The following ZFHX3 variants were observed in gnomAD, a reference collection of about 807,000 sequenced individuals.
ZFHX3 encodes the protein zinc finger homeobox protein 3.
Under a neutral mutation model 279.1 loss-of-function variants are expected in ZFHX3, and 42 were observed. That is an observed-to-expected ratio of 0.15 (90% CI 0.12 to 0.19). The LOEUF (loss-of-function observed/expected upper bound fraction) is 0.19, where lower values mean the gene tolerates loss of function less well. ZFHX3 is among the 10% of genes least tolerant of loss of function. ZFHX3 has a pLI of 1.00. For synonymous variants in ZFHX3, 2,293 were observed against 1,957.8 expected (o/e 1.17, Z -4.52); for missense variants, 4,981 against 4,754.0 (o/e 1.05, Z -1.40).
intron 2 of ZFHX3, among the ~76,000 whole-genome samples, chr16:73,568,812 A>G (rs1422324827): frequency 6.6e-6 from 1 of 152,076 alleles, no homozygotes; most frequent in East Asian, 1.9e-4. Flanking sequence ...AGGAATCTCA[A>G]AACAGATTAC....
chr16:72,960,137 G>C lies in ZFHX3; in HGVS notation c.9C>G (p.Gly3=). The C allele has an allele frequency of 1.3e-6, 2 of 1,577,220 alleles. No individual in the cohort carries two copies. The highest frequency in any genetic ancestry group is 2.7e-5 in the African/African-American group (2 of 74,236). Residue 3 remains glycine (G), a synonymous_variant, in exon 2 of 10, where the codon GGC becomes GGG. Transcript: ENST00000268489. The part of the protein sequence containing the change: ME[G]CDSPVVSGKD... Reference sequence around the variant, plus strand: ...TCCCCGAGACGACGGGCGAGTCACAGCCTTCCATGGTAAGGCCTGCGTGGA... The same window carrying C: ...TCCCCGAGACGACGGGCGAGTCACACCCTTCCATGGTAAGGCCTGCGTGGA...
intron 4 of ZFHX3, among the ~76,000 whole-genome samples, chr16:73,268,074 A>T (rs903983103): frequency 6.6e-6 from 1 of 152,202 alleles, no homozygotes; most frequent in African/African-American, 2.4e-5. Flanking sequence ...TATGGTGATA[A>T]GTGGGAAGTC....
chr16:73,626,332 C>T (rs1206434284), intron 2 of ZFHX3, among the ~76,000 whole-genome samples: 2 of 152,046 alleles, frequency 1.3e-5, no homozygotes, highest in Non-Finnish European at 2.9e-5. Flanking sequence ...AGGAAAATGC[C>T]ACGCCTTTGG....
intron 4 of ZFHX3, among the ~76,000 whole-genome samples, chr16:72,885,233 G>C (rs1331983779): frequency 6.6e-6 from 1 of 152,250 alleles, no homozygotes; most frequent in African/African-American, 2.4e-5. Context: ...CCATGGCAGG[G>C]CCACATGGGC....
At chr16:73,782,410 G>T (rs927798433) in intron 1 of ZFHX3, among the ~76,000 whole-genome samples, 1 of 152,066 alleles carries the variant, frequency 6.6e-6, no homozygotes, top group South Asian at 2.1e-4. Context: ...AATGTTAAAG[G>T]GCCCATTATC....
At chr16:72,856,549 C>A (rs548246795) in intron 4 of ZFHX3, among the ~76,000 whole-genome samples, 1 of 152,290 alleles carries the variant, frequency 6.6e-6, no homozygotes, top group African/African-American at 2.4e-5. Context: ...ACTTTTTCAC[C>A]TGCTGCTTTT....
chr16:73,173,829 G>A (rs181858716), intron 5 of ZFHX3, among the ~76,000 whole-genome samples: 8 of 152,296 alleles, frequency 5.3e-5, no homozygotes. Flanking sequence ...CAGGGCAGTT[G>A]CAAGCCTGTA....
chr16:73,682,514 G>A (rs183523874), intron 1 of ZFHX3, among the ~76,000 whole-genome samples: 172 of 152,018 alleles, frequency 1.1e-3, no homozygotes, highest in Non-Finnish European at 1.9e-3. Context: ...GGCCGGGTGC[G>A]GTGGCTCACG....
At chr16:73,683,034 A>T (rs2053043467) in intron 1 of ZFHX3, among the ~76,000 whole-genome samples, 3 of 151,866 alleles carry the variant, frequency 2.0e-5, no homozygotes, top group Admixed American at 2.0e-4. Flanking sequence ...GGGAGGGAGA[A>T]GGAAGGAAAT....
At chr16:73,426,647 G>T (rs1412738352) in intron 3 of ZFHX3, among the ~76,000 whole-genome samples, 2 of 152,128 alleles carry the variant, frequency 1.3e-5, no homozygotes, top group Non-Finnish European at 2.9e-5. Flanking sequence ...ATATGTGTAT[G>T]TGGGAGGTTT....
At chr16:73,819,284 G>C (rs972454009) in intron 1 of ZFHX3, among the ~76,000 whole-genome samples, 23 of 151,062 alleles carry the variant, frequency 1.5e-4, no homozygotes, top group African/African-American at 5.4e-4. Context: ...TGGGGCAAGG[G>C]GTCTTGTACA....
chr16:72,878,204 A>G (rs1211461569), intron 4 of ZFHX3, among the ~76,000 whole-genome samples: 2 of 151,654 alleles, frequency 1.3e-5, no homozygotes, highest in African/African-American at 4.9e-5. Flanking sequence ...AAACAAAAAC[A>G]AAAAAACAAA....
At chr16:73,731,583 G>A (rs1474544930) in intron 1 of ZFHX3, among the ~76,000 whole-genome samples, 1 of 151,770 alleles carries the variant, frequency 6.6e-6, no homozygotes, top group East Asian at 1.9e-4. Context: ...AGTAACTATA[G>A]TGTTTTTTAA....
At chr16:73,702,728 G>T (rs1346873211) in intron 1 of ZFHX3, among the ~76,000 whole-genome samples, 2 of 152,136 alleles carry the variant, frequency 1.3e-5, no homozygotes, top group African/African-American at 4.8e-5. Context: ...TAGGACTTCA[G>T]TGGAAAATTC....
At chr16:73,434,231 G>A (rs374627256) in intron 3 of ZFHX3, among the ~76,000 whole-genome samples, 6 of 152,028 alleles carry the variant, frequency 3.9e-5, no homozygotes, top group African/African-American at 9.7e-5. Context: ...TATGTGCTGC[G>A]ACACATTGAA....
chr16:73,423,896 A>T (rs1057303710), intron 3 of ZFHX3, among the ~76,000 whole-genome samples: 4 of 151,214 alleles, frequency 2.6e-5, no homozygotes, highest in African/African-American at 4.9e-5. Flanking sequence ...AGATCTAGAA[A>T]TTGATGCTTC....
intron 5 of ZFHX3, among the ~76,000 whole-genome samples, chr16:73,235,899 G>A (rs1210108516): frequency 6.6e-6 from 1 of 152,134 alleles, no homozygotes; most frequent in Non-Finnish European, 1.5e-5. Context: ...TTGAACTCCT[G>A]GGCTCAAGCA....
At chr16:72,844,065 T>C (rs1007367302) in intron 4 of ZFHX3, among the ~76,000 whole-genome samples, 1 of 152,106 alleles carries the variant, frequency 6.6e-6, no homozygotes, top group African/African-American at 2.4e-5. Flanking sequence ...TGCTCTTTTC[T>C]GGAAAGGGGG....
intron 1 of ZFHX3, among the ~76,000 whole-genome samples, chr16:73,837,582 C>T (rs1350897763): frequency 6.6e-6 from 1 of 152,210 alleles, no homozygotes; most frequent in East Asian, 1.9e-4. Context: ...AGCACACACA[C>T]ACTGGCTGAA....
Sources: allele counts gnomAD v4.1 joint callset (sites outside exome capture counted in the v4.1 genomes callset), GRCh38; gene constraint gnomAD v4.1.1; transcripts MANE v1.5; gene names NCBI Gene and HGNC (gene_info 2026-07-23, HGNC 2026-07-21).